The following RBFOX1 variants were observed in gnomAD, a reference collection of about 807,000 sequenced individuals.
RBFOX1 encodes the protein RNA binding fox-1 homolog 1, also known as RNA binding protein fox-1 homolog 1.
Under a neutral mutation model 57.7 loss-of-function variants are expected in RBFOX1, and 8 were observed. That is an observed-to-expected ratio of 0.14 (90% CI 0.08 to 0.25). RBFOX1 has a LOEUF of 0.25. Ranked by LOEUF, RBFOX1 falls within the 10% of genes least tolerant of loss-of-function variation. The pLI is 1.00. For synonymous variants in RBFOX1, 326 were observed against 222.4 expected, an observed-to-expected ratio of 1.47 and a Z score of -4.15; for missense variants, 611 against 548.5, an observed-to-expected ratio of 1.11 and a Z score of -1.14.
At chr16:6,650,785 T>C (rs1427809316) in intron 2 of RBFOX1, among the ~76,000 whole-genome samples, 1 of 152,206 alleles carries the variant, frequency 6.6e-6, no homozygotes, top group Non-Finnish European at 1.5e-5. Context: ...CTTCTCATAT[T>C]AACCTTTCCT....
intron 1 of RBFOX1, among the ~76,000 whole-genome samples, chr16:6,088,873 T>G (rs1015425495): frequency 3.9e-5 from 6 of 151,936 alleles, no homozygotes; most frequent in African/African-American, 9.7e-5. Flanking sequence ...AAGGCGGGCA[T>G]ATCAGGAGGT....
intron 2 of RBFOX1, among the ~76,000 whole-genome samples, chr16:5,565,321 C>G (rs767941342): frequency 1.3e-5 from 2 of 151,544 alleles, no homozygotes; most frequent in African/African-American, 2.4e-5. Context: ...GCACATACCA[C>G]TACATTAGAA....
intron 1 of RBFOX1, among the ~76,000 whole-genome samples, chr16:6,313,711 A>G (rs1306471315): frequency 6.6e-6 from 1 of 152,048 alleles, no homozygotes; most frequent in African/African-American, 2.4e-5. Context: ...CTTCTGTGTA[A>G]TCTTGGTACA....
chr16:7,410,863 GTGTGTAAA>G (rs1352916477), intron 4 of RBFOX1, among the ~76,000 whole-genome samples: 12 of 88,272 alleles, frequency 1.4e-4, no homozygotes, highest in Non-Finnish European at 1.4e-4. Flanking sequence ...GTGTGTGTGT[GTGTGTAAA>G]TCACCCTAAT....
intron 3 of RBFOX1, among the ~76,000 whole-genome samples, chr16:5,696,702 C>A (rs763138381): frequency 4.6e-5 from 7 of 152,078 alleles, no homozygotes; most frequent in Non-Finnish European, 8.8e-5. Flanking sequence ...AATTCAAATA[C>A]TTGAGGAGAG....
At chr16:7,115,864 C>T (rs2065796448) in intron 4 of RBFOX1, among the ~76,000 whole-genome samples, 1 of 152,176 alleles carries the variant, frequency 6.6e-6, no homozygotes, top group African/African-American at 2.4e-5. Flanking sequence ...TTATTAAATG[C>T]CTACGCTGGG....
At chr16:5,841,751 C>T (rs1423120729) in intron 3 of RBFOX1, among the ~76,000 whole-genome samples, 1 of 152,200 alleles carries the variant, frequency 6.6e-6, no homozygotes, top group Non-Finnish European at 1.5e-5. Flanking sequence ...ACTCCCAGCC[C>T]ATCAACTGAA....
intron 4 of RBFOX1, among the ~76,000 whole-genome samples, chr16:7,253,549 C>T (rs1488258076): frequency 2.0e-5 from 3 of 152,178 alleles, no homozygotes; most frequent in Admixed American, 6.5e-5. Context: ...AATGCACTCT[C>T]ACCTCTGAGT....
chr16:6,462,183 TTTAGAG>T (rs1188356362), intron 2 of RBFOX1, among the ~76,000 whole-genome samples: 1 of 152,144 alleles, frequency 6.6e-6, no homozygotes, highest in East Asian at 1.9e-4. Flanking sequence ...CACAGAACTC[TTTAGAG>T]TTAATGTGTG....
intron 2 of RBFOX1, among the ~76,000 whole-genome samples, chr16:6,405,236 CAGTT>C (rs2093233974): frequency 6.6e-6 from 1 of 152,160 alleles, no homozygotes; most frequent in African/African-American, 2.4e-5. Flanking sequence ...GATTTTATCA[CAGTT>C]AGAGGGTGTT....
chr16:6,932,682 C>G (rs2076756527), intron 3 of RBFOX1, among the ~76,000 whole-genome samples: 1 of 152,176 alleles, frequency 6.6e-6, no homozygotes, highest in Non-Finnish European at 1.5e-5. Flanking sequence ...AGTGCTCAAA[C>G]ACATGTCTCT....
chr16:6,524,720 A>C (rs2096555271), intron 2 of RBFOX1, among the ~76,000 whole-genome samples: 1 of 152,106 alleles, frequency 6.6e-6, no homozygotes. Flanking sequence ...GGGCTCTAAG[A>C]AGGAAACCTA....
intron 1 of RBFOX1, among the ~76,000 whole-genome samples, chr16:5,292,928 T>A (rs1262951044): frequency 2.0e-5 from 3 of 151,618 alleles, no homozygotes; most frequent in Non-Finnish European, 2.9e-5. Flanking sequence ...CAGCCTGGAG[T>A]TTTTTTTAAA....
intron 3 of RBFOX1, among the ~76,000 whole-genome samples, chr16:7,039,955 C>G (rs1407066016): frequency 1.3e-5 from 2 of 151,948 alleles, no homozygotes; most frequent in Non-Finnish European, 2.9e-5. Context: ...TTTTGTTTTT[C>G]AAGATAGCCA....
At chr16:6,667,884 A>G (rs577671213) in intron 3 of RBFOX1, among the ~76,000 whole-genome samples, 19 of 151,992 alleles carry the variant, frequency 1.3e-4, no homozygotes, top group Non-Finnish European at 1.6e-4. Flanking sequence ...GCAAGACCCT[A>G]TCTTTAAAAA....
intron 4 of RBFOX1, among the ~76,000 whole-genome samples, chr16:7,185,288 T>G (rs2083489427): frequency 6.6e-6 from 1 of 152,202 alleles, no homozygotes; most frequent in Non-Finnish European, 1.5e-5. Flanking sequence ...CGTATTTTTT[T>G]TTCCCTAATG....
intron 3 of RBFOX1, among the ~76,000 whole-genome samples, chr16:6,787,537 C>G (rs2082170215): frequency 6.6e-6 from 1 of 152,076 alleles, no homozygotes; most frequent in Non-Finnish European, 1.5e-5. Context: ...TGGGTGTAAA[C>G]TGTATTAATT....
intron 4 of RBFOX1, among the ~76,000 whole-genome samples, chr16:7,140,266 CTTTTTTTTTTTTT>C (rs35683605): frequency 4.1e-5 from 2 of 48,800 alleles, no homozygotes; most frequent in Non-Finnish European, 7.5e-5. Flanking sequence ...TTTTAAATGG[CTTTTTTTTTTTTT>C]TTTTTTTTTA....
At chr16:5,544,797 G>A (rs2341743) in intron 2 of RBFOX1, among the ~76,000 whole-genome samples, 112,107 of 151,962 alleles carry the variant, frequency 0.74, 41,787 homozygotes, top group East Asian at 0.99. Context: ...AAATGAATGA[G>A]ATAGATAAAT....
Sources: gnomAD v4.1 joint callset for allele counts (sites outside exome capture counted in the v4.1 genomes callset) on GRCh38, gnomAD v4.1.1 for gene constraint, MANE v1.5 for transcripts, NCBI Gene and HGNC (gene_info 2026-07-23, HGNC 2026-07-21) for gene names.